MCC: variants seen among roughly 807,000 people sequenced by gnomAD.
MCC encodes the protein colorectal mutant cancer protein.
A neutral mutation model predicts 116.2 loss-of-function variants in MCC; 90 were observed. The observed-to-expected ratio is 0.77, with a 90% CI of 0.65 to 0.92. MCC has a LOEUF of 0.92. Ranked by LOEUF, MCC falls within the 40% of genes least tolerant of loss-of-function variation. MCC has a pLI of 0.00. For synonymous variants in MCC, 578 were observed against 510.5 expected (o/e 1.13, Z -1.78); for missense variants, 1,516 against 1,312.2 (o/e 1.16, Z -2.40).
At chr5:113,205,981 T>C (rs181152870) in intron 3 of MCC, among the ~76,000 whole-genome samples, 200 of 152,310 alleles carry the variant, frequency 1.3e-3, no homozygotes, top group Non-Finnish European at 2.1e-3. Context: ...TTTGTGAGCA[T>C]GGTGAGAAGC....
At chr5:113,338,478 C>T (rs1767923908) in intron 3 of MCC, among the ~76,000 whole-genome samples, 1 of 152,136 alleles carries the variant, frequency 6.6e-6, no homozygotes, top group Admixed American at 6.6e-5. Context: ...CTGGGAACCA[C>T]AGAGTCATAC....
intron 11 of MCC, among the ~76,000 whole-genome samples, chr5:113,080,394 G>C (rs1034381375): frequency 2.6e-5 from 4 of 152,142 alleles, no homozygotes; most frequent in Non-Finnish European, 5.9e-5. Flanking sequence ...CAAAGACTTG[G>C]AACCAACCCA....
At chr5:113,156,643 C>T (rs900676684) in intron 3 of MCC, among the ~76,000 whole-genome samples, 4 of 152,102 alleles carry the variant, frequency 2.6e-5, no homozygotes, top group East Asian at 1.9e-4. Context: ...GAGGCCTAAA[C>T]GAGGTTGGAT....
Position 113,269,078 on chromosome 5 carries a change from A to G in MCC, c.627+71441T>C, listed in dbSNP as rs913470989. 3 of 733,806 alleles carry G rather than the reference A, an allele frequency of 4.1e-6. No homozygotes were observed. The African/African-American group carries it at 5.8e-5, about 14-fold the overall frequency. The allele number at this position is 733,806 out of a possible 1,614,324, so 45.5% of individuals were successfully genotyped here. A position where few individuals can be genotyped will look rare whatever the true frequency, so the allele number is the denominator to read the frequency against. ...GCAGCACAAACAGATGGGTGGGTGA[A>G]TATTTGATGGAGAAGACAGGGATGA... On this transcript the variant is annotated intron_variant, in intron 3 of 18. Coordinates refer to ENST00000408903, the MANE Select transcript of MCC (RefSeq NM_001085377.2).
At chr5:113,393,687 G>C (rs1394416317) in intron 1 of MCC, among the ~76,000 whole-genome samples, 1 of 152,194 alleles carries the variant, frequency 6.6e-6, no homozygotes, top group Non-Finnish European at 1.5e-5. Context: ...TCCCTACATA[G>C]AGAGTATTCC....
intron 3 of MCC, among the ~76,000 whole-genome samples, chr5:113,185,269 G>A (rs1185675298): frequency 3.3e-5 from 5 of 152,034 alleles, no homozygotes; most frequent in Non-Finnish European, 7.4e-5. Flanking sequence ...AATGGGAGTG[G>A]ACTTACTTTA....
chr5:113,076,888 G>C (rs190678481), intron 11 of MCC, among the ~76,000 whole-genome samples: 199 of 152,254 alleles, frequency 1.3e-3, no homozygotes, highest in African/African-American at 4.1e-3. Context: ...CAAGACCCAT[G>C]AGTGTGCTGT....
At chr5:113,277,178 A>G (rs1765861856) in intron 3 of MCC, among the ~76,000 whole-genome samples, 1 of 149,078 alleles carries the variant, frequency 6.7e-6, no homozygotes, top group Non-Finnish European at 1.5e-5. Flanking sequence ...CCCCATCTCT[A>G]CTAAAAAAAA....
chr5:113,421,969 T>C (rs1209406053), intron 1 of MCC, among the ~76,000 whole-genome samples: 36 of 152,250 alleles, frequency 2.4e-4, no homozygotes, highest in Non-Finnish European at 5.9e-5. Flanking sequence ...GATTGCTTCA[T>C]ATAAATGTTT....
rs564003356 is a variant in MCC at position 113,181,115 on chromosome 5, T to C, written c.628-29693A>G. ...ACGATGACACTTATTAAAGATAACC[T>C]AGTCTAAACTCCCAGAAACAGGCAA... On this transcript the variant is annotated intron_variant, in intron 3 of 18. Transcript: ENST00000408903. Among the ~76,000 whole-genome samples the C allele has an allele frequency of 8.5e-5, 13 of 152,334 alleles. No homozygotes were observed. The East Asian group carries it at 2.1e-3, about 25-fold the overall frequency.
chr5:113,275,261 G>C (rs1765779908), intron 3 of MCC, among the ~76,000 whole-genome samples: 1 of 152,164 alleles, frequency 6.6e-6, no homozygotes. Flanking sequence ...GACACAGTTT[G>C]CCAAACCAGT....
chr5:113,458,680 G>C lies in MCC; in HGVS notation c.170+29565C>G, dbSNP rs145119405. Among the ~76,000 whole-genome samples the C allele has an allele frequency of 3.3e-3, 510 of 152,318 alleles. 1 individual carries two copies. Among genetic ancestry groups the C allele is most frequent in the Admixed American group, 6.0e-3 (92 of 15,298 alleles). Reference sequence around the variant, plus strand: ...ATACTGATGTGTGCTGCTTGTATAGGCTAGCATAACAAGAGCACTGGGCTA... The same window carrying C: ...ATACTGATGTGTGCTGCTTGTATAGCCTAGCATAACAAGAGCACTGGGCTA... On this transcript the variant is annotated intron_variant, in intron 1 of 18. Transcript: ENST00000408903.
At chr5:113,215,474 G>A (rs1763279997) in intron 3 of MCC, among the ~76,000 whole-genome samples, 1 of 152,092 alleles carries the variant, frequency 6.6e-6, no homozygotes, top group Non-Finnish European at 1.5e-5. Context: ...AGTGGTTAAG[G>A]GTGGGGGTTG....
chr5:113,389,695 C>T (rs781721837), intron 1 of MCC, among the ~76,000 whole-genome samples: 2 of 152,156 alleles, frequency 1.3e-5, no homozygotes, highest in African/African-American at 2.4e-5. Flanking sequence ...GTTGATGCTA[C>T]GTCAATTCCC....
intron 3 of MCC, among the ~76,000 whole-genome samples, chr5:113,280,794 C>T (rs980633342): frequency 1.3e-5 from 2 of 151,572 alleles, no homozygotes; most frequent in Non-Finnish European, 2.9e-5. Context: ...TCAGACCAAC[C>T]TAGGTTGGAG....
chr5:113,294,762 G>A, intron 3 of MCC: 2 of 990,840 alleles, frequency 2.0e-6, no homozygotes. Flanking sequence ...AGGATGGAGG[G>A]CACTTCCCAG....
At chr5:113,058,130 T>C (rs1443998109) in intron 14 of MCC, among the ~76,000 whole-genome samples, 2 of 152,172 alleles carry the variant, frequency 1.3e-5, no homozygotes, top group Non-Finnish European at 2.9e-5. Flanking sequence ...CACAAGACAC[T>C]GAGGTATATT....
chr5:113,096,332 G>A (rs376108926), intron 8 of MCC, among the ~76,000 whole-genome samples: 1 of 152,148 alleles, frequency 6.6e-6, no homozygotes, highest in African/African-American at 2.4e-5. Context: ...CATAATGTGG[G>A]GGAGTGTGCC....
intron 3 of MCC, among the ~76,000 whole-genome samples, chr5:113,169,770 A>T (rs1760978436): frequency 6.6e-6 from 1 of 152,134 alleles, no homozygotes; most frequent in Non-Finnish European, 1.5e-5. Context: ...GCAATCAGGC[A>T]CTCTGTGTGA....
Sources: gnomAD v4.1 joint callset for allele counts (sites outside exome capture counted in the v4.1 genomes callset) on GRCh38, gnomAD v4.1.1 for gene constraint, MANE v1.5 for transcripts, NCBI Gene and HGNC (gene_info 2026-07-23, HGNC 2026-07-21) for gene names.